Variants in COL15A1 observed in about 807,000 individuals in gnomAD.
COL15A1 encodes the protein collagen alpha-1(XV) chain.
A neutral mutation model predicts 165.9 loss-of-function variants in COL15A1; 111 were observed. The ratio of observed to expected loss-of-function variants is 0.67; its 90% CI spans 0.57 to 0.78. COL15A1 has a LOEUF of 0.78. Ranked by LOEUF, COL15A1 falls within the 30% of genes least tolerant of loss-of-function variation. The probability of loss-of-function intolerance (pLI) is 0.00; values close to 1 mark genes in which losing one functional copy is unlikely to be tolerated. For missense variants in COL15A1, 1,745 were observed against 1,789.7 expected (o/e 0.98, Z 0.45); for synonymous variants, 659 against 674.8 (o/e 0.98, Z 0.36).
intron 5 of COL15A1, 57 bp downstream of exon 5, chr9:98,989,315 T>C: frequency 7.2e-7 from 1 of 1,395,116 alleles, no homozygotes; most frequent in South Asian, 1.2e-5. Context: ...AGGCTGAGAA[T>C]TACTAGAGGG....
At chr9:98,988,918 A>G (rs1838364990) in intron 4 of COL15A1, among the ~76,000 whole-genome samples, 1 of 151,850 alleles carries the variant, frequency 6.6e-6, no homozygotes, top group Admixed American at 6.6e-5. Flanking sequence ...GTAAGAGAGA[A>G]CCTGTCTCAA....
chr9:99,066,479 G>A (rs141921737), intron 39 of COL15A1, among the ~76,000 whole-genome samples: 2,278 of 152,208 alleles, frequency 0.015, 29 homozygotes, highest in Non-Finnish European at 0.025. Context: ...TGGGATCCAG[G>A]GCCAAAGCCA....
intron 11 of COL15A1, among the ~76,000 whole-genome samples, chr9:99,017,323 C>T (rs1241783429): frequency 6.6e-6 from 1 of 152,212 alleles, no homozygotes; most frequent in African/African-American, 2.4e-5. Flanking sequence ...GGATTTGAAC[C>T]TGCATGCTGG....
chr9:98,990,734 C>G (rs1838405829), intron 5 of COL15A1, among the ~76,000 whole-genome samples: 2 of 152,102 alleles, frequency 1.3e-5, no homozygotes, highest in Admixed American at 6.6e-5. Flanking sequence ...CAGCTTTGGA[C>G]AGAGATAGAG....
Position 99,005,015 on chromosome 9 carries a change from A to C in COL15A1, c.1318A>C (p.Met440Leu). The change falls in exon 9 of 42, where the codon ATG becomes CTG. Residue 440 changes from methionine to leucine, a missense_variant. Transcript: ENST00000375001. ...GGCCCCCGGGGAGCTGGACCTCTCCATGTCCGCCCAGAGCCTCGGGGAAGA... is the reference window on the plus strand; with the variant it reads ...GGCCCCCGGGGAGCTGGACCTCTCCCTGTCCGCCCAGAGCCTCGGGGAAGA... ...GVAPGELDLS[M>L]SAQSLGEEAT... 1.2e-6 allele frequency: 2 copies of C among 1,613,074 alleles called. No individual in the cohort carries two copies. The highest frequency in any genetic ancestry group is 1.7e-6 in the Non-Finnish European group (2 of 1,179,496).
chr9:98,968,470 T>C (rs1837992108), intron 2 of COL15A1, among the ~76,000 whole-genome samples: 2 of 152,294 alleles, frequency 1.3e-5, no homozygotes, highest in African/African-American at 4.8e-5. Context: ...ATCCTTGGCT[T>C]GTGTCCACTT....
Position 99,035,142 on chromosome 9 carries a change from A to T in COL15A1, c.2208A>T (p.Gly736=). ...PGPPGPGCTM[G]LGFEDTEGSG... ...CCCCAGGCCCTGGATGCACAATGGG[A>T]CTTGGATTCGAGGTACTTTTCCCCT... Residue 736 remains glycine, a synonymous_variant, in exon 18 of 42, where the codon GGA becomes GGT. Transcript: ENST00000375001. 6.3e-7 allele frequency: 1 copy of T among 1,595,612 alleles called. No individual in the cohort carries two copies. Among genetic ancestry groups the T allele is most frequent in the South Asian group, 1.1e-5 (1 of 88,856 alleles).
chr9:99,012,553 A>C (rs1168607533), intron 9 of COL15A1, among the ~76,000 whole-genome samples: 1 of 152,106 alleles, frequency 6.6e-6, no homozygotes, highest in Admixed American at 6.6e-5. Context: ...TGGGCTCTGA[A>C]TTTTTCTTGC....
chr9:99,014,295 A>T (rs542070751), intron 9 of COL15A1, among the ~76,000 whole-genome samples: 2 of 152,302 alleles, frequency 1.3e-5, no homozygotes, highest in East Asian at 3.9e-4. Context: ...AAGAATTTAA[A>T]CTTGCCTTCC....
At chr9:99,010,763 C>A (rs954344694) in intron 9 of COL15A1, among the ~76,000 whole-genome samples, 2 of 152,090 alleles carry the variant, frequency 1.3e-5, no homozygotes, top group Non-Finnish European at 2.9e-5. Context: ...GACGTAATAA[C>A]CTTAATTAAA....
intron 2 of COL15A1, among the ~76,000 whole-genome samples, chr9:98,955,853 A>G (rs1026636423): frequency 9.2e-5 from 14 of 152,168 alleles, no homozygotes; most frequent in African/African-American, 3.1e-4. Flanking sequence ...TCCAACTACA[A>G]TCTTAGTGGC....
rs779626166 is a variant in COL15A1 at position 99,004,988 on chromosome 9, G to A, written c.1291G>A (p.Val431Met). The A allele has an allele frequency of 3.3e-5, 54 of 1,613,990 alleles. 1 individual carries two copies. The South Asian group carries it at 5.7e-4, about 17-fold the overall frequency. The change falls in exon 9 of 42, where the codon GTG becomes ATG. Residue 431 changes from valine to methionine, a missense_variant. Val to Met is a conservative substitution (Grantham distance 21). Coordinates refer to ENST00000375001, the MANE Select transcript of COL15A1 (RefSeq NM_001855.5). ...GCCTGGGGAAGTGGAGGCCAGTGGT[G>A]TGGCCCCCGGGGAGCTGGACCTCTC... ...SMPGEVEASG[V>M]APGELDLSMS... is the part of the protein sequence containing the mutation.
chr9:99,044,690 T>C (rs1324373679), intron 25 of COL15A1, 45 bp from the exon 26 acceptor site: 1 of 1,612,940 alleles, frequency 6.2e-7, no homozygotes, highest in Non-Finnish European at 8.5e-7. Context: ...TTTGCATCTT[T>C]GTTTCTGTCC....
At chr9:99,040,677 T>A in intron 23 of COL15A1, 121 bp downstream of exon 23, 1 of 1,565,204 alleles carries the variant, frequency 6.4e-7, no homozygotes, top group Non-Finnish European at 8.8e-7. Flanking sequence ...ATCTTGTTCA[T>A]TAACTTTTTC....
intron 2 of COL15A1, 50 bp downstream of exon 2, chr9:98,944,300 G>A (rs1837538330): frequency 6.3e-7 from 1 of 1,576,924 alleles, no homozygotes. Context: ...CGCCCGTGGG[G>A]GAAGTCGGTT....
At chr9:99,003,386 C>G (rs1466876824) in intron 7 of COL15A1, 67 bp from the exon 8 acceptor site, 1 of 1,316,448 alleles carries the variant, frequency 7.6e-7, no homozygotes, top group African/African-American at 1.5e-5. Flanking sequence ...GCAGTCTGTT[C>G]TCACCAGCCA....
At chr9:99,057,171 A>C (rs1825734196) in intron 35 of COL15A1, among the ~76,000 whole-genome samples, 1 of 152,208 alleles carries the variant, frequency 6.6e-6, no homozygotes, top group Admixed American at 6.5e-5. Flanking sequence ...CAGCAGTGGC[A>C]GTGTATGAGG....
rs887257027 is a variant in COL15A1, at chr9:99,016,255, T to C, written c.1647+136T>C. 7 of 1,095,954 alleles carry C rather than the reference T, an allele frequency of 6.4e-6. No homozygotes were observed. In the African/African-American group the frequency reaches 9.5e-5, roughly 15 times the overall value. 67.9% of individuals were successfully genotyped at this position (1,095,954 alleles called of 1,614,324 possible). A position where few individuals can be genotyped will look rare whatever the true frequency, so the allele number is the denominator to read the frequency against. ...CATGTTGGTTTGCAAATTTGGGCAT[T>C]TGAGGAGCTTTAACCTGAGGAAAGC... On this transcript the variant is annotated intron_variant, in intron 11 of 41. Coordinates refer to ENST00000375001, the MANE Select transcript of COL15A1 (RefSeq NM_001855.5).
In COL15A1 at chr9:98,985,881, G is replaced by A. The variant is rs201085523; in HGVS notation, c.417G>A (p.Thr139=). ...ACCAGCGGATCATCCTCTACTACACGGAGCCAGGCTCCCATGTGTCCCAAG... is the reference window on the plus strand; with the variant it reads ...ACCAGCGGATCATCCTCTACTACACAGAGCCAGGCTCCCATGTGTCCCAAG... ...DGHQRIILYY[T]EPGSHVSQEA... is the part of the protein sequence containing the mutation. Residue 139 remains threonine, a synonymous_variant, in exon 3 of 42, where the codon ACG becomes ACA. Transcript: ENST00000375001. 4.3e-6 allele frequency: 7 copies of A among 1,613,824 alleles called. No homozygotes were observed. The highest frequency in any genetic ancestry group is 4.5e-5 in the East Asian group (2 of 44,868).
Sources: allele counts gnomAD v4.1 joint callset (sites outside exome capture counted in the v4.1 genomes callset), GRCh38; gene constraint gnomAD v4.1.1; transcripts MANE v1.5; gene names NCBI Gene and HGNC (gene_info 2026-07-23, HGNC 2026-07-21).